Variants in GLCE observed in about 807,000 individuals in gnomAD.
GLCE encodes the protein glucuronic acid epimerase, also known as D-glucuronyl C5-epimerase.
Under a neutral mutation model 47.9 loss-of-function variants are expected in GLCE, and 19 were observed. That is an observed-to-expected ratio of 0.40 (90% CI 0.28 to 0.58). GLCE has a LOEUF of 0.58. Among genes scored for constraint, GLCE ranks in the 20% least tolerant of loss-of-function variants. The pLI is 0.48. For missense variants in GLCE, 556 were observed against 743.3 expected, an observed-to-expected ratio of 0.75 and a Z score of 2.93; for synonymous variants, 245 against 263.4, an observed-to-expected ratio of 0.93 and a Z score of 0.68.
intron 4 of GLCE, among the ~76,000 whole-genome samples, chr15:69,264,552 C>T (rs570426242): frequency 6.6e-6 from 1 of 152,264 alleles, no homozygotes; most frequent in South Asian, 2.1e-4. Context: ...GGGTTGTATA[C>T]CAGGAAGTGG....
chr15:69,173,781 C>T (rs10851801), intron 1 of GLCE, among the ~76,000 whole-genome samples: 107,503 of 152,124 alleles, frequency 0.71, 38,758 homozygotes, highest in Non-Finnish European at 0.78. Flanking sequence ...TGGCTTCATA[C>T]AGTATCAGAT....
chr15:69,260,051 A>C (rs927597548), intron 3 of GLCE, among the ~76,000 whole-genome samples: 1 of 152,198 alleles, frequency 6.6e-6, no homozygotes, highest in East Asian at 1.9e-4. Context: ...TAAGAAAAAC[A>C]CTAATACCAA....
intron 1 of GLCE, among the ~76,000 whole-genome samples, chr15:69,190,299 T>G (rs1259080479): frequency 6.6e-6 from 1 of 152,102 alleles, no homozygotes; most frequent in Non-Finnish European, 1.5e-5. Context: ...AAATGTTAAT[T>G]AGATCAAGTT....
chr15:69,194,518 A>G (rs1404335630), intron 1 of GLCE: 1 of 152,166 alleles, frequency 6.6e-6, no homozygotes, highest in Admixed American at 6.5e-5. Context: ...AAATCTTAGG[A>G]GAGAAGGGTA....
chr15:69,203,193 G>A (rs895049709), intron 1 of GLCE, among the ~76,000 whole-genome samples: 2 of 151,968 alleles, frequency 1.3e-5, no homozygotes, highest in African/African-American at 4.8e-5. Context: ...CTTATTAATT[G>A]GCAACTTTTG....
chr15:69,249,499 TACTC>T (rs142128302), intron 2 of GLCE, among the ~76,000 whole-genome samples: 11 of 152,316 alleles, frequency 7.2e-5, no homozygotes, highest in South Asian at 2.1e-4. Context: ...TTCATCTACT[TACTC>T]AGTATCAATA....
At chr15:69,179,689 A>C (rs1300944429) in intron 1 of GLCE, among the ~76,000 whole-genome samples, 1 of 152,206 alleles carries the variant, frequency 6.6e-6, no homozygotes, top group African/African-American at 2.4e-5. Flanking sequence ...TTCAGTACAA[A>C]GAACAACACA....
intron 2 of GLCE, among the ~76,000 whole-genome samples, chr15:69,211,883 G>A (rs963890427): frequency 1.3e-5 from 2 of 151,940 alleles, no homozygotes; most frequent in African/African-American, 4.8e-5. Context: ...TAATAGACTT[G>A]TGTGAGGTAT....
chr15:69,248,640 GT>G (rs939391404), intron 2 of GLCE, among the ~76,000 whole-genome samples: 2 of 151,198 alleles, frequency 1.3e-5, no homozygotes, highest in Non-Finnish European at 3.0e-5. Flanking sequence ...GCTAGGCACA[GT>G]TTTTTTTTGC....
At chr15:69,252,696 A>G (rs1291257492) in intron 2 of GLCE, among the ~76,000 whole-genome samples, 1 of 152,124 alleles carries the variant, frequency 6.6e-6, no homozygotes, top group African/African-American at 2.4e-5. Context: ...TTATATTTCT[A>G]TATTAGTTGG....
At chr15:69,220,475 A>G (rs976393434) in intron 2 of GLCE, among the ~76,000 whole-genome samples, 4 of 152,122 alleles carry the variant, frequency 2.6e-5, no homozygotes, top group Non-Finnish European at 5.9e-5. Flanking sequence ...GTTTTTTGAT[A>G]ATGGGTATGA....
At chr15:69,240,871 A>G (rs2052661586) in intron 2 of GLCE, among the ~76,000 whole-genome samples, 1 of 152,172 alleles carries the variant, frequency 6.6e-6, no homozygotes, top group African/African-American at 2.4e-5. Flanking sequence ...ACATTTTGGA[A>G]GAGACCAGAA....
chr15:69,192,948 T>G (rs1798178228), intron 1 of GLCE, among the ~76,000 whole-genome samples: 1 of 152,146 alleles, frequency 6.6e-6, no homozygotes, highest in South Asian at 2.1e-4. Context: ...GGTTGATGTT[T>G]TATTTTGCCC....
intron 1 of GLCE, among the ~76,000 whole-genome samples, chr15:69,181,027 A>G (rs2051741964): frequency 6.6e-6 from 1 of 152,140 alleles, no homozygotes; most frequent in Non-Finnish European, 1.5e-5. Context: ...TGAGGTCAAC[A>G]GGATTTGGGG....
At chr15:69,261,982 A>G (rs1033761020) in intron 4 of GLCE, among the ~76,000 whole-genome samples, 4 of 152,244 alleles carry the variant, frequency 2.6e-5, no homozygotes, top group African/African-American at 9.6e-5. Flanking sequence ...CCATTACTTA[A>G]GAAGACAATG....
chr15:69,166,030 CT>C (rs1393619462), intron 1 of GLCE, among the ~76,000 whole-genome samples: 1 of 152,192 alleles, frequency 6.6e-6, no homozygotes, highest in Non-Finnish European at 1.5e-5. Flanking sequence ...TTTGAGGCAA[CT>C]ACTAATCCTT....
intron 2 of GLCE, among the ~76,000 whole-genome samples, chr15:69,223,345 A>AT (rs1211697846): frequency 6.6e-6 from 1 of 152,024 alleles, no homozygotes; most frequent in South Asian, 2.1e-4. Flanking sequence ...TGTTTGACAG[A>AT]TTTTTTTGTT....
At chr15:69,165,362 C>T (rs183564067) in intron 1 of GLCE, among the ~76,000 whole-genome samples, 2 of 152,156 alleles carry the variant, frequency 1.3e-5, no homozygotes. Context: ...TGTACTAATA[C>T]GAGCAGTTTA....
At chr15:69,258,120 G>A (rs1368501952) in intron 3 of GLCE, among the ~76,000 whole-genome samples, 2 of 151,956 alleles carry the variant, frequency 1.3e-5, no homozygotes, top group Non-Finnish European at 2.9e-5. Flanking sequence ...GGACCCATCA[G>A]TTATTTTTCT....
Sources: gnomAD v4.1 joint callset for allele counts (sites outside exome capture counted in the v4.1 genomes callset) on GRCh38, gnomAD v4.1.1 for gene constraint, MANE v1.5 for transcripts, NCBI Gene and HGNC (gene_info 2026-07-23, HGNC 2026-07-21) for gene names.